The following C9orf85 variants were observed in gnomAD, a reference collection of about 807,000 sequenced individuals.
C9orf85 encodes the protein chromosome 9 open reading frame 85.
A neutral mutation model predicts 14.9 loss-of-function variants in C9orf85; 16 were observed. The observed-to-expected ratio is 1.08, with a 90% CI of 0.73 to 1.63. The LOEUF (loss-of-function observed/expected upper bound fraction) is 1.63. Ranked by LOEUF, C9orf85 falls within the 40% of genes most tolerant of loss-of-function variation. C9orf85 has a pLI of 0.00. For synonymous variants in C9orf85, 45 were observed against 56.8 expected (o/e 0.79, Z 0.93); for missense variants, 172 against 186.1 (o/e 0.92, Z 0.44).
chr9:71,978,084 T>C (rs1303519329), downstream of C9orf85, among the ~76,000 whole-genome samples: 2 of 152,206 alleles, frequency 1.3e-5, no homozygotes, highest in Non-Finnish European at 2.9e-5. Context: ...TAAACATTTA[T>C]ATGTAAATCA....
At chr9:71,925,220 T>C (rs1053582016) in intron 1 of C9orf85, among the ~76,000 whole-genome samples, 2 of 152,230 alleles carry the variant, frequency 1.3e-5, no homozygotes, top group Non-Finnish European at 2.9e-5. Context: ...GAACATGTAC[T>C]TAAAATTTTC....
intron 2 of C9orf85, among the ~76,000 whole-genome samples, chr9:71,958,100 T>TG (rs1822423778): frequency 1.3e-5 from 2 of 151,814 alleles, no homozygotes; most frequent in Admixed American, 6.6e-5. Flanking sequence ...GAATTATTGC[T>TG]GGAATTCTTC....
chr9:71,970,017 T>A (rs1362937229), intron 2 of C9orf85, among the ~76,000 whole-genome samples: 1 of 151,986 alleles, frequency 6.6e-6, no homozygotes, highest in East Asian at 1.9e-4. Context: ...CAATCTCAGC[T>A]CACTGCAACC....
chr9:71,935,035 G>T (rs1828157035), intron 1 of C9orf85, among the ~76,000 whole-genome samples: 1 of 152,090 alleles, frequency 6.6e-6, no homozygotes, highest in Admixed American at 6.6e-5. Flanking sequence ...AATCACTGGG[G>T]AACTACAGAT....
chr9:71,911,928 G>A, intron 1 of C9orf85, 92 bp downstream of exon 1: 11 of 1,121,948 alleles, frequency 9.8e-6, no homozygotes, highest in Non-Finnish European at 1.4e-5. Flanking sequence ...CGGCTGGGGC[G>A]AGTGTGGACC....
chr9:71,918,502 C>A, intron 1 of C9orf85: 5 of 1,229,854 alleles, frequency 4.1e-6, no homozygotes, highest in Non-Finnish European at 5.4e-6. Flanking sequence ...CCGACCCCCG[C>A]ATCGGTCCAT....
At chr9:71,982,820 G>C (rs140925550) in exon 4 of C9orf85, 3 of 318,152 alleles carry the variant, frequency 9.4e-6, no homozygotes, top group Non-Finnish European at 1.8e-5. Context: ...ATTTTTAGTA[G>C]AGATGGGGTT....
At chr9:71,972,217 G>T (rs1822894139) in intron 3 of C9orf85, among the ~76,000 whole-genome samples, 1 of 151,702 alleles carries the variant, frequency 6.6e-6, no homozygotes, top group African/African-American at 2.4e-5. Flanking sequence ...GCCTACTTTA[G>T]TGACAATAGT....
chr9:71,938,222 G>A (rs1828238705), intron 1 of C9orf85, among the ~76,000 whole-genome samples: 1 of 152,058 alleles, frequency 6.6e-6, no homozygotes, highest in Admixed American at 6.6e-5. Flanking sequence ...AGGAAATGTA[G>A]TAAGTTGATT....
intron 1 of C9orf85, among the ~76,000 whole-genome samples, chr9:71,931,198 G>T (rs1395599083): frequency 6.6e-6 from 1 of 152,150 alleles, no homozygotes; most frequent in East Asian, 1.9e-4. Flanking sequence ...TACATCTGGG[G>T]GTGATGCCTT....
chr9:71,938,909 C>A (rs1226691427), intron 1 of C9orf85, among the ~76,000 whole-genome samples: 1 of 151,166 alleles, frequency 6.6e-6, no homozygotes. Flanking sequence ...ATAGTACATA[C>A]AATAAAGACA....
intron 1 of C9orf85, among the ~76,000 whole-genome samples, chr9:71,940,821 T>C (rs896156072): frequency 2.6e-5 from 4 of 152,226 alleles, no homozygotes; most frequent in African/African-American, 9.6e-5. Flanking sequence ...TGTCCTTTAA[T>C]TGGTGAATTG....
intron 1 of C9orf85, among the ~76,000 whole-genome samples, chr9:71,932,895 A>G (rs1828104058): frequency 6.6e-6 from 1 of 152,168 alleles, no homozygotes; most frequent in African/African-American, 2.4e-5. Flanking sequence ...TGATATATGA[A>G]TAAAATGTAA....
intron 2 of C9orf85, among the ~76,000 whole-genome samples, chr9:71,958,184 A>G (rs1446744383): frequency 7.3e-5 from 11 of 150,216 alleles, no homozygotes; most frequent in Admixed American, 6.7e-4. Context: ...AAGTACTTCA[A>G]GCTGGCCTAA....
intron 2 of C9orf85, among the ~76,000 whole-genome samples, chr9:71,948,948 A>G (rs1822173089): frequency 6.6e-6 from 1 of 152,146 alleles, no homozygotes; most frequent in African/African-American, 2.4e-5. Context: ...CCAAATTAGC[A>G]GTAAGGAAAT....
chr9:71,963,689 G>A (rs1003342827), intron 2 of C9orf85, among the ~76,000 whole-genome samples: 9 of 152,226 alleles, frequency 5.9e-5, no homozygotes, highest in South Asian at 2.1e-4. Context: ...CCAGGCCAGC[G>A]GCTGCAGAGG....
intron 1 of C9orf85, among the ~76,000 whole-genome samples, chr9:71,938,569 C>A (rs903599680): frequency 1.3e-5 from 2 of 151,758 alleles, no homozygotes; most frequent in Admixed American, 1.3e-4. Context: ...CTATTTTTTT[C>A]TCTTATTCTT....
At chr9:71,934,917 C>G (rs941455663) in intron 1 of C9orf85, among the ~76,000 whole-genome samples, 2 of 152,070 alleles carry the variant, frequency 1.3e-5, no homozygotes, top group African/African-American at 4.8e-5. Flanking sequence ...AACTATTACT[C>G]AACAACAAAA....
intron 1 of C9orf85, among the ~76,000 whole-genome samples, chr9:71,946,307 CA>C (rs1822083863): frequency 6.6e-6 from 1 of 152,196 alleles, no homozygotes; most frequent in African/African-American, 2.4e-5. Flanking sequence ...CCCAATTTCT[CA>C]GTTTAATTCC....
Sources: allele counts gnomAD v4.1 joint callset (sites outside exome capture counted in the v4.1 genomes callset), GRCh38; gene constraint gnomAD v4.1.1; transcripts MANE v1.5; gene names NCBI Gene and HGNC (gene_info 2026-07-23, HGNC 2026-07-21).